Variants in MICALL2 observed in about 807,000 individuals in gnomAD.
MICALL2 encodes MICAL like 2, also known as MICAL-like protein 2.
In MICALL2, 111 loss-of-function variants were observed where a neutral mutation model predicts 91.1. The observed-to-expected ratio is 1.22, with a 90% CI of 1.04 to 1.43. The LOEUF (loss-of-function observed/expected upper bound fraction) is 1.43, where lower values mean the gene tolerates loss of function less well. MICALL2 is among the 40% of genes most tolerant of loss of function. The pLI, the probability that MICALL2 is intolerant of heterozygous loss-of-function variation, is 0.00. For missense variants in MICALL2, 1,556 were observed against 1,236.0 expected, an observed-to-expected ratio of 1.26 and a Z score of -3.88; for synonymous variants, 694 against 525.3, an observed-to-expected ratio of 1.32 and a Z score of -4.39.
intron 2 of MICALL2, among the ~76,000 whole-genome samples, chr7:1,449,863 G>C (rs1326552847): frequency 6.6e-6 from 1 of 152,248 alleles, no homozygotes; most frequent in Non-Finnish European, 1.5e-5. Flanking sequence ...CCATGTGGTG[G>C]GAGTGGCAGC....
intron 14 of MICALL2, 47 bp from the exon 15 acceptor site, chr7:1,436,903 C>T: frequency 1.4e-6 from 2 of 1,391,338 alleles, no homozygotes; most frequent in African/African-American, 1.5e-5. Context: ...CACTGCCATG[C>T]CCCTCACAGG....
intron 6 of MICALL2, among the ~76,000 whole-genome samples, chr7:1,442,979 G>GTGCCTTCC (rs1270274750): frequency 6.6e-6 from 1 of 152,062 alleles, no homozygotes; most frequent in East Asian, 1.9e-4. Context: ...CAAGGCCTCC[G>GTGCCTTCC]TGCCTTCCTG....
intron 10 of MICALL2, 50 bp from the exon 11 acceptor site, chr7:1,438,403 CGT>C (rs1178898143): frequency 6.4e-7 from 1 of 1,563,848 alleles, no homozygotes; most frequent in Admixed American, 1.9e-5. Context: ...CCAGGCCCAA[CGT>C]GACCAGGACA....
At chr7:1,440,387 G>A in intron 8 of MICALL2, 1 of 637,786 alleles carries the variant, frequency 1.6e-6, no homozygotes, top group East Asian at 2.7e-5. Context: ...GTGCTGCCAT[G>A]CCCAGGTGAG....
intron 7 of MICALL2, 115 bp downstream of exon 7, chr7:1,442,077 G>A: frequency 1.7e-6 from 2 of 1,192,428 alleles, no homozygotes; most frequent in Non-Finnish European, 2.4e-6. Flanking sequence ...AGATGAGACG[G>A]AGAGGAAGGC....
chr7:1,439,600 TGCATCAC>T (rs992087339), intron 9 of MICALL2: 2 of 271,136 alleles, frequency 7.4e-6, no homozygotes, highest in African/African-American at 5.8e-5. Flanking sequence ...TGAATACACA[TGCATCAC>T]ACATCACATA....
chr7:1,449,725 G>A (rs1780751117), intron 2 of MICALL2, among the ~76,000 whole-genome samples: 1 of 152,234 alleles, frequency 6.6e-6, no homozygotes, highest in South Asian at 2.1e-4. Context: ...GTCTGCCGGT[G>A]CCTCTGCCCA....
intron 10 of MICALL2, 76 bp from the exon 11 acceptor site, chr7:1,438,429 G>A (rs1047819173): frequency 5.2e-6 from 8 of 1,540,980 alleles, no homozygotes; most frequent in Admixed American, 3.9e-5. Context: ...CTTGGAAGGA[G>A]CCTGACCTCA....
At chr7:1,446,118 T>G (rs1379898604) in intron 5 of MICALL2, among the ~76,000 whole-genome samples, 1 of 123,272 alleles carries the variant, frequency 8.1e-6, no homozygotes, top group Non-Finnish European at 1.7e-5. Flanking sequence ...GTAGAACATC[T>G]TGGGCTATCA....
Position 1,445,282 on chromosome 7 carries a change from A to T in MICALL2, c.788T>A (p.Met263Lys). Residue 263 changes from methionine (M) to lysine (K), a missense_variant, in exon 6 of 17, where the codon ATG becomes AAG. Coordinates refer to ENST00000297508, the MANE Select transcript of MICALL2 (RefSeq NM_182924.4). ...TGLVPRQPGA[M>K]GVDSRTSCSP... ...ACAGGAGGTCCTGGAATCCACACCC[A>T]TGGCCCCTGGCTGTCGGGGGACCAG... The T allele has an allele frequency of 6.2e-7, 1 of 1,612,386 alleles. No individual in the cohort carries two copies. The highest frequency in any genetic ancestry group is 8.5e-7 in the Non-Finnish European group (1 of 1,179,828).
rs760019051 is a variant in MICALL2 at position 1,439,955 on chromosome 7, G to A, written c.1936C>T (p.Arg646Cys). 5.7e-5 allele frequency: 86 copies of A among 1,499,684 alleles called. No individual in the cohort carries two copies. The highest frequency in any genetic ancestry group is 6.7e-5 in the Non-Finnish European group (76 of 1,132,832). 92.9% of individuals were successfully genotyped at this position (1,499,684 alleles called of 1,614,324 possible). A position where few individuals can be genotyped will look rare whatever the true frequency, so the allele number is the denominator to read the frequency against. The part of the protein sequence containing the change: ...LTPVRPDRTP[R>C]PASPGPSLPA... ...AGGCTGGGTCCTGGGCTGGCTGGGC[G>A]TGGGGTCCTGTCAGGCCTCACGGGG... Residue 646 changes from arginine (R) to cysteine (C), a missense_variant, in exon 9 of 17, where the codon CGC becomes TGC. Transcript: ENST00000297508.
At chr7:1,448,981 G>A (rs142563841) in intron 2 of MICALL2, among the ~76,000 whole-genome samples, 110 of 152,374 alleles carry the variant, frequency 7.2e-4, no homozygotes, top group African/African-American at 2.1e-3. Flanking sequence ...TCACCAGGCC[G>A]GTGGGCGCTC....
At chr7:1,456,110 A>G (rs181159302) in intron 1 of MICALL2, among the ~76,000 whole-genome samples, 116 of 152,022 alleles carry the variant, frequency 7.6e-4, no homozygotes, top group African/African-American at 2.6e-3. Context: ...TGATGAAGGC[A>G]CAGAGGCAGG....
chr7:1,449,340 CAG>C (rs1288026878), intron 2 of MICALL2, among the ~76,000 whole-genome samples: 2 of 152,202 alleles, frequency 1.3e-5, no homozygotes, highest in Non-Finnish European at 2.9e-5. Flanking sequence ...TTTTTGGAGA[CAG>C]AGTCTCACTC....
chr7:1,439,981 G>C lies in MICALL2; in HGVS notation c.1910C>G (p.Thr637Ser), dbSNP rs374682289. ...TGGGGTCCTGTCAGGCCTCACGGGG[G>C]TCAGGGTGATGTGGACACTCCCAGC... The part of the protein sequence containing the change: ...SFAGSVHITL[T>S]PVRPDRTPRP... Residue 637 changes from threonine (T) to serine (S), a missense_variant, in exon 9 of 17, where the codon ACC (threonine) becomes AGC (serine). By Grantham distance (58) the Thr-to-Ser change is moderately conservative. Coordinates refer to ENST00000297508, the MANE Select transcript of MICALL2 (RefSeq NM_182924.4). 2.0e-5 allele frequency: 31 copies of C among 1,533,772 alleles called. No homozygotes were observed. The African/African-American group carries it at 4.2e-4, about 21-fold the overall frequency.
rs1780537045 is a variant in MICALL2, at chr7:1,445,572, C to T, written c.642-144G>A. The stretch of plus-strand genomic sequence containing the variant: ...CGCCCGCCCCGCCACGCATTCACCA[C>T]GTGCTCCTGAGAGCAGGCATTGCGG... On this transcript the variant is annotated intron_variant, in intron 5 of 16. Coordinates refer to ENST00000297508, the MANE Select transcript of MICALL2 (RefSeq NM_182924.4). The T allele has an allele frequency of 1.3e-5, 10 of 749,206 alleles. No individual in the cohort carries two copies. In the South Asian group the frequency reaches 1.5e-4, roughly 11 times the overall value. 46.4% of individuals were successfully genotyped at this position (749,206 alleles called of 1,614,324 possible).
intron 7 of MICALL2, chr7:1,441,508 G>A (rs1373230446): frequency 1.3e-5 from 2 of 153,058 alleles, no homozygotes; most frequent in Admixed American, 1.3e-4. Context: ...AAACACGTGA[G>A]GCCATAAAAC....
chr7:1,448,705 G>A lies in MICALL2; in HGVS notation c.249C>T (p.Asp83=). The change falls in exon 3 of 17, where the codon GAC becomes GAT. Residue 83 remains aspartate (D), a synonymous_variant. Transcript: ENST00000297508. ...LGIPALLDAE[D]MVALKVPDRL... ...GGTCAGGCACCTTCAAGGCCACCAT[G>A]TCCTCGGCATCCAGCAAGGCTGGGA... The A allele has an allele frequency of 6.2e-7, 1 of 1,612,788 alleles. No homozygotes were observed. The highest frequency in any genetic ancestry group is 2.2e-5 in the East Asian group (1 of 44,864).
chr7:1,440,092 A>G lies in MICALL2; in HGVS notation c.1806-7T>C, dbSNP rs765504408. Reference sequence around the variant, plus strand: ...TTCCTTGGGCTTCAGAGTCCTGGGCAGAAGGCATGAGGTCGGAACCCGAAC... The same window carrying G: ...TTCCTTGGGCTTCAGAGTCCTGGGCGGAAGGCATGAGGTCGGAACCCGAAC... On this transcript the variant is annotated splice_region_variant and splice_polypyrimidine_tract_variant and intron_variant, in intron 8 of 16. Coordinates refer to ENST00000297508, the MANE Select transcript of MICALL2 (RefSeq NM_182924.4). 1 of 1,585,654 alleles carries G rather than the reference A, an allele frequency of 6.3e-7. No homozygotes were observed. The highest frequency in any genetic ancestry group is 1.9e-5 in the Admixed American group (1 of 52,566).
Sources: allele counts gnomAD v4.1 joint callset (sites outside exome capture counted in the v4.1 genomes callset), GRCh38; gene constraint gnomAD v4.1.1; transcripts MANE v1.5; gene names NCBI Gene and HGNC (gene_info 2026-07-23, HGNC 2026-07-21).